The following MYCBP2 variants were observed in gnomAD, a reference collection of about 807,000 sequenced individuals.
MYCBP2 encodes the protein MYC binding protein 2.
Under a neutral mutation model 525.3 loss-of-function variants are expected in MYCBP2, and 120 were observed. That is an observed-to-expected ratio of 0.23 (90% confidence interval 0.20 to 0.27). MYCBP2 has a LOEUF of 0.27. Among genes scored for constraint, MYCBP2 ranks in the 10% least tolerant of loss-of-function variants. The pLI is 1.00. For synonymous variants in MYCBP2, 1,894 were observed against 1,955.8 expected (o/e 0.97, Z 0.83); for missense variants, 4,149 against 5,657.1 (o/e 0.73, Z 8.55).
chr13:77,069,868 GA>G (rs976477032), intron 69 of MYCBP2, among the ~76,000 whole-genome samples: 52 of 141,580 alleles, frequency 3.7e-4, no homozygotes, highest in Admixed American at 6.4e-4. Flanking sequence ...ACTCCCTCTC[GA>G]AAAAAAAAAA....
chr13:77,326,347 G>A lies in MYCBP2; in HGVS notation c.302+127C>T. On this transcript the variant is annotated intron_variant, in intron 1 of 82. Transcript: ENST00000544440. This position sits in a 1 kb window ranked among gnomAD's most constrained non-coding sequence, Gnocchi z 4.2. ...GTGCTCCTGCCAACAGACATCCAGA[G>A]CGGACTGAAAGCTCAATAAATGCGC... 1 of 928,960 alleles carries A rather than the reference G, an allele frequency of 1.1e-6. No homozygotes were observed. Among genetic ancestry groups the A allele is most frequent in the Non-Finnish European group, 1.5e-6 (1 of 654,032 alleles). The allele number at this position is 928,960 out of a possible 1,614,324, so 57.5% of individuals were successfully genotyped here.
At chr13:77,317,797 C>T (rs1439153337) in intron 1 of MYCBP2, among the ~76,000 whole-genome samples, 2 of 152,010 alleles carry the variant, frequency 1.3e-5, no homozygotes, top group African/African-American at 4.8e-5. Flanking sequence ...ATTAGCTGGG[C>T]GTGGTGATGT....
intron 20 of MYCBP2, among the ~76,000 whole-genome samples, chr13:77,218,210 A>G (rs1594026152): frequency 1.3e-5 from 2 of 152,278 alleles, no homozygotes; most frequent in South Asian, 4.1e-4. Context: ...TAGACACATA[A>G]TAATTTCTGA....
chr13:77,266,911 C>A (rs895397335), intron 8 of MYCBP2, among the ~76,000 whole-genome samples: 33 of 151,872 alleles, frequency 2.2e-4, no homozygotes, highest in African/African-American at 7.0e-4. Flanking sequence ...TAATATGTAT[C>A]TATGTATATG....
At chr13:77,288,865 T>C (rs1002547642) in intron 2 of MYCBP2, among the ~76,000 whole-genome samples, 1 of 152,164 alleles carries the variant, frequency 6.6e-6, no homozygotes, top group Non-Finnish European at 1.5e-5. Context: ...TTCATTCTCA[T>C]TCAAGTAACA....
intron 54 of MYCBP2, among the ~76,000 whole-genome samples, chr13:77,122,169 A>C (rs1189507751): frequency 6.6e-6 from 1 of 152,064 alleles, no homozygotes; most frequent in African/African-American, 2.4e-5. Flanking sequence ...AAACTAAATT[A>C]ATCCCCTATG....
chr13:77,303,717 C>T (rs114843277), intron 1 of MYCBP2, among the ~76,000 whole-genome samples: 1,818 of 151,634 alleles, frequency 0.012, 33 homozygotes, highest in African/African-American at 0.04. Context: ...ATGCTGCTAA[C>T]GCAGTACTTC....
At chr13:77,238,713 C>G (rs2068349845) in intron 17 of MYCBP2, among the ~76,000 whole-genome samples, 1 of 152,168 alleles carries the variant, frequency 6.6e-6, no homozygotes, top group South Asian at 2.1e-4. Flanking sequence ...TATGAAGAAG[C>G]AGTAATATCA....
Position 77,083,014 on chromosome 13 carries a change from T to C in MYCBP2, c.11036+18A>G, listed in dbSNP as rs1449059441. ...TCTCTTGTCCAATGTACCTAGGATA[T>C]GTGGATACCAAAATTACCTCAGGGC... On this transcript the variant is annotated intron_variant, in intron 63 of 82. Transcript: ENST00000544440. 1.9e-6 allele frequency: 3 copies of C among 1,607,590 alleles called. No homozygotes were observed. The highest frequency in any genetic ancestry group is 1.3e-5 in the African/African-American group (1 of 74,674).
chr13:77,317,052 C>G (rs1349955464), intron 1 of MYCBP2, among the ~76,000 whole-genome samples: 1 of 152,056 alleles, frequency 6.6e-6, no homozygotes, highest in Non-Finnish European at 1.5e-5. Context: ...CAGGTTCAAG[C>G]AGTTCTCCTG....
Position 77,180,235 on chromosome 13 carries a change from G to A in MYCBP2, c.5025C>T (p.Asn1675=), listed in dbSNP as rs1185678440. Reference sequence around the variant, plus strand: ...AGAGTTCATTTTCTCTCCTCAGGCTGTTCCTGACTGGTAGCACAACAATGA... The same window carrying A: ...AGAGTTCATTTTCTCTCCTCAGGCTATTCCTGACTGGTAGCACAACAATGA... ...MLVIVVLPVR[N]SLRRENELFS... Residue 1675 remains asparagine (N), a synonymous_variant, in exon 34 of 83, where the codon AAC becomes AAT. Coordinates refer to ENST00000544440, the MANE Select transcript of MYCBP2 (RefSeq NM_015057.5). 4 of 1,614,036 alleles carry A rather than the reference G, an allele frequency of 2.5e-6. No individual in the cohort carries two copies. Among genetic ancestry groups the A allele is most frequent in the Non-Finnish European group, 2.5e-6 (3 of 1,179,990 alleles).
chr13:77,296,369 G>A (rs2078189314), intron 2 of MYCBP2, among the ~76,000 whole-genome samples: 1 of 151,536 alleles, frequency 6.6e-6, no homozygotes, highest in African/African-American at 2.4e-5. Flanking sequence ...CTCCAGCCTG[G>A]GTGACAAAAC....
At chr13:77,223,492 A>G (rs185631947) in intron 20 of MYCBP2, among the ~76,000 whole-genome samples, 126 of 152,342 alleles carry the variant, frequency 8.3e-4, no homozygotes, top group Non-Finnish European at 1.5e-3. Flanking sequence ...CTTTTGACCA[A>G]AAGTATTCTG....
intron 68 of MYCBP2, among the ~76,000 whole-genome samples, chr13:77,072,514 C>A (rs1566390939): frequency 6.6e-6 from 1 of 151,562 alleles, no homozygotes; most frequent in Non-Finnish European, 1.5e-5. Context: ...AAAAGATGAA[C>A]AAATGAATAC....
intron 8 of MYCBP2, among the ~76,000 whole-genome samples, chr13:77,264,697 T>C (rs1320873343): frequency 6.6e-6 from 1 of 152,088 alleles, no homozygotes; most frequent in Non-Finnish European, 1.5e-5. Flanking sequence ...TATACTTTGA[T>C]CAAAATAATG....
chr13:77,065,779 C>G (rs1479281274), intron 72 of MYCBP2, among the ~76,000 whole-genome samples: 5 of 152,126 alleles, frequency 3.3e-5, no homozygotes, highest in African/African-American at 1.2e-4. Flanking sequence ...AATTCCCACA[C>G]AAATTAACTG....
Position 77,067,587 on chromosome 13 carries a change from T to G in MYCBP2, c.12449A>C (p.Asn4150Thr). The change falls in exon 71 of 83, where the codon AAT (asparagine) becomes ACT (threonine). Residue 4150 changes from asparagine to threonine, a missense_variant. By Grantham distance (65) the Asn-to-Thr change is moderately conservative. Around this residue, in one of 21 missense-constraint regions of MYCBP2, gnomAD observed 148 missense variants for 179.4 expected, o/e 0.82. Transcript: ENST00000544440. ...VTTVTLPMIFNSSYLRRGESH... is the reference protein window; with the variant it reads ...VTTVTLPMIFTSSYLRRGESH... ...AATAGAGGCAATAACTAACCTGGAA[T>G]TGAAAATCATCGGAAGAGTAACTGT... 1 of 1,613,908 alleles carries G rather than the reference T, an allele frequency of 6.2e-7. No individual in the cohort carries two copies. The highest frequency in any genetic ancestry group is 8.5e-7 in the Non-Finnish European group (1 of 1,179,790).
intron 18 of MYCBP2, among the ~76,000 whole-genome samples, chr13:77,227,343 T>TAAAAAAAAAAAAAAAA (rs548646689): frequency 1.2e-5 from 1 of 85,338 alleles, no homozygotes; most frequent in Non-Finnish European, 2.5e-5. Flanking sequence ...ATGGATGGAC[T>TAAAAAAAAAAAAAAAA]AAAAAAAAAA....
chr13:77,145,306 C>T (rs940908624), intron 48 of MYCBP2, among the ~76,000 whole-genome samples: 1 of 152,102 alleles, frequency 6.6e-6, no homozygotes, highest in Admixed American at 6.6e-5. Context: ...TCTTGAAATA[C>T]TTCCTTCTTT....
Sources: allele counts gnomAD v4.1 joint callset (sites outside exome capture counted in the v4.1 genomes callset), GRCh38; gene constraint gnomAD v4.1.1; regional missense constraint gnomAD v4.1.1; non-coding constraint Gnocchi (gnomAD v3.1); transcripts MANE v1.5; gene names NCBI Gene and HGNC (gene_info 2026-07-23, HGNC 2026-07-21).